Variants in PCDHGB1 observed in about 807,000 individuals in gnomAD.
PCDHGB1 encodes the protein protocadherin gamma subfamily B, 1.
PCDHGB1 carries 34 observed loss-of-function variants against 56.6 expected under a neutral mutation model. The observed-to-expected ratio is 0.60, with a 90% CI of 0.46 to 0.80. The LOEUF is 0.80. Among genes scored for constraint, PCDHGB1 ranks in the 30% least tolerant of loss-of-function variants. PCDHGB1 has a pLI of 0.00. For synonymous variants in PCDHGB1, 561 were observed against 505.9 expected, an observed-to-expected ratio of 1.11 and a Z score of -1.46; for missense variants, 1,278 against 1,204.6, an observed-to-expected ratio of 1.06 and a Z score of -0.90.
intron 2 of PCDHGB1, 34 bp from the exon 3 acceptor site, chr5:141,505,359 G>T: frequency 1.9e-6 from 3 of 1,613,870 alleles, no homozygotes; most frequent in Non-Finnish European, 2.5e-6. Context: ...TGCCGGCCTG[G>T]GAGTCTGTGC....
Position 141,496,029 on chromosome 5 carries a change from C to T in PCDHGB1, c.2468+1164C>T, listed in dbSNP as rs548231443. ...TTGTCTTTTTTCTCTGAGCCTCTGTCTCTGTCTCTCATTTTTTTGTGCTTG... is the reference window on the plus strand; with the variant it reads ...TTGTCTTTTTTCTCTGAGCCTCTGTTTCTGTCTCTCATTTTTTTGTGCTTG... On this transcript the variant is annotated intron_variant, in intron 2 of 3. Coordinates refer to ENST00000523390, the MANE Select transcript of PCDHGB1 (RefSeq NM_018922.3). Among the ~76,000 whole-genome samples, 3 of 152,088 alleles carry T rather than the reference C, an allele frequency of 2.0e-5. No individual in the cohort carries two copies. In the East Asian group the frequency reaches 5.8e-4, roughly 29 times the overall value.
At chr5:141,369,226 G>A (rs1028209484) in intron 1 of PCDHGB1, among the ~76,000 whole-genome samples, 2 of 152,058 alleles carry the variant, frequency 1.3e-5, no homozygotes, top group African/African-American at 4.8e-5. Context: ...AAAGTGGACA[G>A]GAAGATTACT....
Position 141,477,568 on chromosome 5 carries a change from C to T in PCDHGB1, c.2410-17239C>T, listed in dbSNP as rs2099413139. The T allele has an allele frequency of 6.2e-7, 1 of 1,614,172 alleles. No individual in the cohort carries two copies. The highest frequency in any genetic ancestry group is 1.7e-4 in the Middle Eastern group (1 of 6,060). On this transcript the variant is annotated intron_variant, in intron 1 of 3. Transcript: ENST00000523390. This position sits in a 1 kb window ranked among gnomAD's most constrained non-coding sequence, Gnocchi z 4.9. ...TACTAAACCTAAGTGTCTGGGACCC[C>T]GACGCCCCGCAGAATGCTCGGCTTT...
intron 1 of PCDHGB1, chr5:141,419,345 C>T (rs111954647): frequency 6.2e-6 from 10 of 1,613,858 alleles, no homozygotes; most frequent in African/African-American, 2.7e-5. Flanking sequence ...TGCCAGCGAC[C>T]TGGAGTCACG....
intron 3 of PCDHGB1, among the ~76,000 whole-genome samples, chr5:141,509,504 C>T (rs534951697): frequency 4.7e-4 from 72 of 152,246 alleles, no homozygotes; most frequent in Non-Finnish European, 8.4e-4. Flanking sequence ...CTGGATGTGA[C>T]GGTGTTGATG....
intron 1 of PCDHGB1, chr5:141,405,358 A>T: frequency 6.2e-7 from 1 of 1,613,900 alleles, no homozygotes; most frequent in East Asian, 2.2e-5. Flanking sequence ...TTCCTATAGA[A>T]GACACCCCTT....
chr5:141,394,069 A>G (rs1054107584), intron 1 of PCDHGB1: 1 of 1,613,862 alleles, frequency 6.2e-7, no homozygotes, highest in African/African-American at 1.3e-5. Context: ...TCTATCTACA[A>G]TATCACAGTG....
intron 1 of PCDHGB1, chr5:141,361,620 C>T (rs1265757132): frequency 1.2e-6 from 2 of 1,613,974 alleles, no homozygotes; most frequent in East Asian, 4.5e-5. Context: ...TAGCGAGCGA[C>T]CTGAAGCCGC....
In PCDHGB1 at chr5:141,407,217, G is replaced by C. The variant is rs181833770; in HGVS notation, c.2409+54548G>C. 5.8e-3 allele frequency among the ~76,000 whole-genome samples: 885 copies of C among 151,964 alleles called. 4 individuals carry two copies. Among genetic ancestry groups the C allele is most frequent in the Non-Finnish European group, 9.1e-3 (620 of 67,966 alleles). ...TCAAACACGTTTTCCCCCTTAAGTG[G>C]GTAGCAAAAAAAATAAAGCATACTT... On this transcript the variant is annotated intron_variant, in intron 1 of 3. Transcript: ENST00000523390.
Position 141,417,842 on chromosome 5 carries a change from C to A in PCDHGB1, c.2409+65173C>A, listed in dbSNP as rs1247720013. 3 of 1,537,164 alleles carry A rather than the reference C, an allele frequency of 2.0e-6. No homozygotes were observed. The South Asian group carries it at 3.6e-5, about 19-fold the overall frequency. Reference sequence around the variant, plus strand: ...TCCAACTGGAAAAGCGGGGACCCAGCGAGAACCCGAGCGAACGATGGGAGG... The same window carrying A: ...TCCAACTGGAAAAGCGGGGACCCAGAGAGAACCCGAGCGAACGATGGGAGG... On this transcript the variant is annotated intron_variant, in intron 1 of 3. Transcript: ENST00000523390.
intron 1 of PCDHGB1, chr5:141,355,958 AGAACGTTCCTGTAG>A: frequency 3.7e-6 from 6 of 1,613,948 alleles, no homozygotes; most frequent in Non-Finnish European, 5.1e-6. Context: ...AGTGTTCGTG[AGAACGTTCCTGTAG>A]GCACTCGGCT....
intron 1 of PCDHGB1, chr5:141,398,937 C>T (rs2093727338): frequency 1.9e-6 from 3 of 1,613,902 alleles, no homozygotes; most frequent in Non-Finnish European, 2.5e-6. Flanking sequence ...CTGACCAAGA[C>T]GAGGGCATCA....
At chr5:141,387,821 A>C (rs2091106896) in intron 1 of PCDHGB1, 3 of 1,577,920 alleles carry the variant, frequency 1.9e-6, no homozygotes, top group Non-Finnish European at 2.6e-6. Context: ...AAAATCTGCA[A>C]TACAGAGGTT....
chr5:141,409,875 A>G, intron 1 of PCDHGB1: 1 of 1,612,810 alleles, frequency 6.2e-7, no homozygotes, highest in Non-Finnish European at 8.5e-7. Flanking sequence ...CGCAATGACA[A>G]CGCACCGCGG....
intron 1 of PCDHGB1, chr5:141,478,935 A>G: frequency 1.6e-6 from 1 of 638,574 alleles, no homozygotes. Flanking sequence ...GGCAGCTTCT[A>G]GGAATACAAA....
chr5:141,368,590 A>G (rs914366988), intron 1 of PCDHGB1, among the ~76,000 whole-genome samples: 8 of 152,142 alleles, frequency 5.3e-5, no homozygotes, highest in African/African-American at 9.7e-5. Context: ...GGTGTTTGGG[A>G]AAAAAGTAAA....
chr5:141,450,823 A>ATT (rs1453980247), intron 1 of PCDHGB1, among the ~76,000 whole-genome samples: 2 of 133,076 alleles, frequency 1.5e-5, no homozygotes, highest in East Asian at 2.2e-4. Flanking sequence ...TAATATTATT[A>ATT]TTATTATTTT....
intron 1 of PCDHGB1, chr5:141,419,373 TGTCC>T (rs761256298): frequency 6.2e-7 from 1 of 1,613,754 alleles, no homozygotes; most frequent in South Asian, 1.1e-5. Context: ...TCGTCCTACG[TGTCC>T]GTGAGCGCGC....
intron 1 of PCDHGB1, chr5:141,365,256 A>G (rs1358600488): frequency 2.5e-6 from 4 of 1,613,864 alleles, no homozygotes; most frequent in Non-Finnish European, 3.4e-6. Context: ...TCACTGGACT[A>G]TGAAGAATCC....
Sources: allele counts gnomAD v4.1 joint callset (sites outside exome capture counted in the v4.1 genomes callset), GRCh38; gene constraint gnomAD v4.1.1; non-coding constraint Gnocchi (gnomAD v3.1); transcripts MANE v1.5; gene names NCBI Gene and HGNC (gene_info 2026-07-23, HGNC 2026-07-21).